Variants in FAM222A observed in about 807,000 individuals in gnomAD.
FAM222A encodes family with sequence similarity 222 member A.
In FAM222A, 7 loss-of-function variants were observed where a neutral mutation model predicts 25.8. The observed-to-expected ratio is 0.27, with a 90% CI of 0.15 to 0.51. The LOEUF is 0.51. Among genes scored for constraint, FAM222A ranks in the 20% least tolerant of loss-of-function variants. FAM222A has a pLI of 0.97. For synonymous variants in FAM222A, 294 were observed against 298.8 expected, an observed-to-expected ratio of 0.98 and a Z score of 0.17; for missense variants, 573 against 640.5, an observed-to-expected ratio of 0.89 and a Z score of 1.14.
intron 1 of FAM222A, among the ~76,000 whole-genome samples, chr12:109,717,689 C>CA (rs1237205260): frequency 1.3e-5 from 2 of 152,170 alleles, no homozygotes; most frequent in African/African-American, 4.8e-5. Flanking sequence ...TCTCCTTTGA[C>CA]AAGGACAGTA....
chr12:109,732,870 G>A (rs1271140738), intron 1 of FAM222A, among the ~76,000 whole-genome samples: 1 of 152,270 alleles, frequency 6.6e-6, no homozygotes, highest in African/African-American at 2.4e-5. Context: ...CTGCCACCCT[G>A]AGTGCCTACT....
chr12:109,723,015 G>T, intron 1 of FAM222A, among the ~76,000 whole-genome samples: 1 of 151,506 alleles, frequency 6.6e-6, no homozygotes, highest in Non-Finnish European at 1.5e-5. Context: ...GGGGGGGAGG[G>T]GGTATCAGGG....
In FAM222A at chr12:109,725,123, C is replaced by A. The variant is rs375432199; in HGVS notation, c.-47+10226C>A. ...GCTGAGCAACTCCAGCTGGCCAAGT[C>A]CCTGCCCCTCAGGTGAGGAGAGTCC... On this transcript the variant is annotated intron_variant, in intron 1 of 2. Coordinates refer to ENST00000538780, the MANE Select transcript of FAM222A (RefSeq NM_032829.3). 1.7e-3 allele frequency among the ~76,000 whole-genome samples: 254 copies of A among 152,276 alleles called. 1 individual carries two copies. The highest frequency in any genetic ancestry group is 5.9e-3 in the African/African-American group (244 of 41,544).
Position 109,769,447 on chromosome 12 carries a change from G to T in FAM222A, c.*159G>T, listed in dbSNP as rs1889179984. ...GGCTGCCGCCTCGCTGTGGCCGGATGGAGGGTGGCAGGGCAACCTCACATA... is the reference window on the plus strand; with the variant it reads ...GGCTGCCGCCTCGCTGTGGCCGGATTGAGGGTGGCAGGGCAACCTCACATA... On this transcript the variant is annotated 3_prime_UTR_variant, in exon 3 of 3. Coordinates refer to ENST00000538780, the MANE Select transcript of FAM222A (RefSeq NM_032829.3). The T allele has an allele frequency of 5.2e-6, 5 of 955,608 alleles. No individual in the cohort carries two copies. The South Asian group carries it at 8.7e-5, about 17-fold the overall frequency. 59.2% of individuals were successfully genotyped at this position (955,608 alleles called of 1,614,324 possible).
chr12:109,737,305 A>T (rs1592784603), intron 1 of FAM222A, among the ~76,000 whole-genome samples: 1 of 152,000 alleles, frequency 6.6e-6, no homozygotes, highest in African/African-American at 2.4e-5. Flanking sequence ...AGAATTGGTG[A>T]TTGTCACTTT....
intron 1 of FAM222A, among the ~76,000 whole-genome samples, chr12:109,737,123 A>G (rs572460309): frequency 2.0e-5 from 3 of 152,224 alleles, no homozygotes; most frequent in South Asian, 4.1e-4. Context: ...CCGGACTCCA[A>G]TTGAAGGTCG....
At chr12:109,728,473 G>T (rs1334760056) in intron 1 of FAM222A, among the ~76,000 whole-genome samples, 1 of 152,160 alleles carries the variant, frequency 6.6e-6, no homozygotes. Context: ...ACCCAGCCCC[G>T]TGGGAGAGCA....
chr12:109,763,298 G>T (rs1888951514), intron 2 of FAM222A, among the ~76,000 whole-genome samples: 1 of 152,230 alleles, frequency 6.6e-6, no homozygotes, highest in Non-Finnish European at 1.5e-5. Context: ...TGTACAGCGG[G>T]AACTGCATGA....
chr12:109,763,922 C>A (rs1888968720), intron 2 of FAM222A, among the ~76,000 whole-genome samples: 1 of 152,050 alleles, frequency 6.6e-6, no homozygotes, highest in Non-Finnish European at 1.5e-5. Flanking sequence ...CGAGAGTCAT[C>A]AAGAAAAGCC....
intron 1 of FAM222A, among the ~76,000 whole-genome samples, chr12:109,716,640 C>T (rs746793598): frequency 8.8e-4 from 134 of 152,230 alleles, no homozygotes; most frequent in Non-Finnish European, 1.4e-3. Flanking sequence ...CCTCTCGAAG[C>T]TTCCCAGTTT....
intron 2 of FAM222A, 62 bp downstream of exon 2, chr12:109,744,290 C>T (rs1888330304): frequency 8.4e-6 from 13 of 1,547,790 alleles, no homozygotes; most frequent in Non-Finnish European, 1.1e-5. Context: ...GCCATTCACC[C>T]CCCAGGATGT....
intron 2 of FAM222A, chr12:109,744,587 TAGAC>T (rs1888341018): frequency 1.0e-6 from 1 of 985,214 alleles, no homozygotes; most frequent in South Asian, 4.7e-5. Flanking sequence ...AAGCAAAAAA[TAGAC>T]AGAATGGGGT....
In FAM222A at chr12:109,714,992, G is replaced by T. The variant is rs1887616119; in HGVS notation, c.-47+95G>T. 6.6e-6 allele frequency: 1 copy of T among 152,542 alleles called. No homozygotes were observed. The highest frequency in any genetic ancestry group is 1.5e-5 in the Non-Finnish European group (1 of 68,306). 9.4% of individuals were successfully genotyped at this position (152,542 alleles called of 1,614,324 possible). A position where few individuals can be genotyped will look rare whatever the true frequency, so the allele number is the denominator to read the frequency against. On this transcript the variant is annotated intron_variant, in intron 1 of 2. Coordinates refer to ENST00000538780, the MANE Select transcript of FAM222A (RefSeq NM_032829.3). The surrounding 1 kb of genome is among the most constrained non-coding windows in gnomAD (Gnocchi z 4.2). The stretch of plus-strand genomic sequence containing the variant: ...GGACAGAAGGGGTCCTAGGCTGTTG[G>T]GGGTCCTGAAGCAGAGATAACCCTT...
At chr12:109,759,839 C>A (rs1357875149) in intron 2 of FAM222A, among the ~76,000 whole-genome samples, 1 of 152,228 alleles carries the variant, frequency 6.6e-6, no homozygotes, top group African/African-American at 2.4e-5. Context: ...GCTTTCCAAG[C>A]ACCTTCGGTG....
At chr12:109,764,214 C>A in intron 2 of FAM222A, among the ~76,000 whole-genome samples, 1 of 18,662 alleles carries the variant, frequency 5.4e-5, no homozygotes, top group African/African-American at 1.9e-4. Flanking sequence ...TGAGTAAGAC[C>A]CTGTCTTCAA....
At chr12:109,763,600 C>G (rs1190720677) in intron 2 of FAM222A, among the ~76,000 whole-genome samples, 2 of 152,222 alleles carry the variant, frequency 1.3e-5, no homozygotes, top group African/African-American at 4.8e-5. Context: ...CTTCAGTGTC[C>G]TGGCACAACA....
At position 109,714,637 on chromosome 12, in the gene FAM222A, C is replaced by T. The variant is rs1887605565; in HGVS notation, c.-307C>T. 6.6e-6 allele frequency: 1 copy of T among 151,936 alleles called. No individual in the cohort carries two copies. The highest frequency in any genetic ancestry group is 1.5e-5 in the Non-Finnish European group (1 of 67,946). 9.4% of individuals were successfully genotyped at this position (151,936 alleles called of 1,614,324 possible). A position where few individuals can be genotyped will look rare whatever the true frequency, so the allele number is the denominator to read the frequency against. ...CACGGGCCCCGGCGAAGATGCGTCGCCTGAGCGCCCGCGCGGCCCCCGTCC... is the reference window on the plus strand; with the variant it reads ...CACGGGCCCCGGCGAAGATGCGTCGTCTGAGCGCCCGCGCGGCCCCCGTCC... On this transcript the variant is annotated 5_prime_UTR_variant, in exon 1 of 3. Coordinates refer to ENST00000538780, the MANE Select transcript of FAM222A (RefSeq NM_032829.3). This position sits in a 1 kb window ranked among gnomAD's most constrained non-coding sequence, Gnocchi z 4.2.
At chr12:109,743,326 C>T (rs10774873) in intron 1 of FAM222A, among the ~76,000 whole-genome samples, 62,977 of 152,116 alleles carry the variant, frequency 0.41, 13,498 homozygotes, top group South Asian at 0.47. Flanking sequence ...AAGCTGAAGG[C>T]AAGTGTCTGT....
intron 1 of FAM222A, among the ~76,000 whole-genome samples, chr12:109,733,519 T>C (rs1171250976): frequency 6.6e-6 from 1 of 152,034 alleles, no homozygotes; most frequent in East Asian, 1.9e-4. Flanking sequence ...TTCTCCTGCC[T>C]CAGCCTCCTG....
Sources: gnomAD v4.1 joint callset for allele counts (sites outside exome capture counted in the v4.1 genomes callset) on GRCh38, gnomAD v4.1.1 for gene constraint, Gnocchi (gnomAD v3.1) non-coding constraint, MANE v1.5 for transcripts, NCBI Gene and HGNC (gene_info 2026-07-23, HGNC 2026-07-21) for gene names.